HKDC1: variants seen among roughly 807,000 people sequenced by gnomAD.
HKDC1 encodes hexokinase HKDC1.
Under a neutral mutation model 96.6 loss-of-function variants are expected in HKDC1, and 66 were observed. The observed-to-expected ratio is 0.68, with a 90% CI of 0.56 to 0.84. HKDC1 has a LOEUF of 0.84. Among genes scored for constraint, HKDC1 ranks in the 40% least tolerant of loss-of-function variants. The probability of loss-of-function intolerance (pLI) is 0.00; values close to 1 mark genes in which losing one functional copy is unlikely to be tolerated. For synonymous variants in HKDC1, 466 were observed against 473.1 expected, an observed-to-expected ratio of 0.98 and a Z score of 0.20; for missense variants, 1,211 against 1,208.1, an observed-to-expected ratio of 1.00 and a Z score of -0.04.
In HKDC1 at chr10:69,227,242, T is replaced by C; in HGVS notation, c.99T>C (p.Asp33=). The part of the protein sequence containing the change: ...DRFLYHMRLS[D]DTLLDIMRRF... ...TCCTGTATCACATGCGGCTCTCCGA[T>C]GACACCCTTTTGGACATCATGAGGC... is the stretch of plus-strand genomic sequence containing the variant. Residue 33 remains aspartate, a synonymous_variant, in exon 2 of 18, where the codon GAT becomes GAC. Transcript: ENST00000354624. 1.2e-6 allele frequency: 2 copies of C among 1,614,194 alleles called. No homozygotes were observed. Among genetic ancestry groups the C allele is most frequent in the East Asian group, 2.2e-5 (1 of 44,880 alleles).
At chr10:69,238,998 T>TCA in intron 4 of HKDC1, 44 bp from the exon 5 acceptor site, 1 of 1,437,184 alleles carries the variant, frequency 7.0e-7, no homozygotes. Context: ...GTTGCACATC[T>TCA]CAGCACGTCT....
At chr10:69,238,231 A>G (rs1843393110) in intron 4 of HKDC1, among the ~76,000 whole-genome samples, 1 of 152,214 alleles carries the variant, frequency 6.6e-6, no homozygotes, top group Non-Finnish European at 1.5e-5. Context: ...GGTACGGGCC[A>G]CTCTGCCTGG....
chr10:69,231,053 G>A (rs958345207), intron 2 of HKDC1, among the ~76,000 whole-genome samples: 1 of 152,138 alleles, frequency 6.6e-6, no homozygotes, highest in Non-Finnish European at 1.5e-5. Flanking sequence ...ACACCATGTG[G>A]CATCCATGAA....
chr10:69,243,790 CA>C (rs1253547240), intron 7 of HKDC1, among the ~76,000 whole-genome samples: 1 of 152,252 alleles, frequency 6.6e-6, no homozygotes, highest in African/African-American at 2.4e-5. Flanking sequence ...AGCCACCATG[CA>C]TGGCCCCATT....
In HKDC1 at chr10:69,267,076, C is replaced by A; in HGVS notation, c.*319C>A. The stretch of plus-strand genomic sequence containing the variant: ...TTCTCTATGGCTTTCAGTCTTGTGG[C>A]TGCGGGACTTGGAAATATATAGAAT... On this transcript the variant is annotated 3_prime_UTR_variant, in exon 18 of 18. Transcript: ENST00000354624. 4.1e-6 allele frequency: 1 copy of A among 241,028 alleles called. No homozygotes were observed. The highest frequency in any genetic ancestry group is 5.1e-5 in the Admixed American group (1 of 19,586). 14.9% of individuals were successfully genotyped at this position (241,028 alleles called of 1,614,324 possible). A position where few individuals can be genotyped will look rare whatever the true frequency, so the allele number is the denominator to read the frequency against.
intron 15 of HKDC1, among the ~76,000 whole-genome samples, chr10:69,259,454 T>C (rs1843773396): frequency 6.6e-6 from 1 of 152,108 alleles, no homozygotes; most frequent in South Asian, 2.1e-4. Context: ...ACTAACCACA[T>C]GAAAAATACT....
chr10:69,220,635 C>CCTG, intron 1 of HKDC1, 137 bp downstream of exon 1: 1 of 559,234 alleles, frequency 1.8e-6, no homozygotes, highest in Non-Finnish European at 3.1e-6. Context: ...CAGTAAAAGA[C>CCTG]TCACTGAGGG....
Position 69,252,973 on chromosome 10 carries a change from CGTGTG to C in HKDC1, c.1836+2322_1836+2326del, listed in dbSNP as rs1320889962. ...AATATAGCAAGACCCCATCTCTAAA[CGTGTG>C]TGTGTGTGTGTGTGTGTGTGTGTGT... is the stretch of plus-strand genomic sequence containing the variant. On this transcript the variant is annotated intron_variant, in intron 12 of 17. Coordinates refer to ENST00000354624, the MANE Select transcript of HKDC1 (RefSeq NM_025130.4). 5.4e-3 allele frequency among the ~76,000 whole-genome samples: 752 copies of C among 140,270 alleles called. 13 individuals carry two copies. Among genetic ancestry groups the C allele is most frequent in the Non-Finnish European group, 7.6e-3 (492 of 64,404 alleles). 92.0% of individuals were successfully genotyped at this position (140,270 alleles called of 152,430 possible). A position where few individuals can be genotyped will look rare whatever the true frequency, so the allele number is the denominator to read the frequency against.
At chr10:69,226,654 TA>T (rs5785900) in intron 1 of HKDC1, among the ~76,000 whole-genome samples, 121 of 147,072 alleles carry the variant, frequency 8.2e-4, no homozygotes, top group African/African-American at 2.5e-3. Context: ...GACTCTGTCT[TA>T]AAAAAAAAAA....
intron 1 of HKDC1, among the ~76,000 whole-genome samples, chr10:69,221,691 A>G (rs1843068449): frequency 6.6e-6 from 1 of 152,184 alleles, no homozygotes; most frequent in Non-Finnish European, 1.5e-5. Context: ...TGGGAGGCTG[A>G]GATGAGCAGA....
chr10:69,249,919 C>G (rs1206149811), intron 10 of HKDC1, among the ~76,000 whole-genome samples: 2 of 152,176 alleles, frequency 1.3e-5, no homozygotes, highest in Non-Finnish European at 2.9e-5. Context: ...GGTTCAGTCT[C>G]CTGATTTTGC....
intron 2 of HKDC1, among the ~76,000 whole-genome samples, chr10:69,230,593 C>A (rs1054247754): frequency 6.6e-5 from 10 of 152,196 alleles, no homozygotes; most frequent in Non-Finnish European, 1.2e-4. Context: ...AAGCAATTTA[C>A]CCCGCTTAGG....
chr10:69,251,792 C>A (rs554231523), intron 12 of HKDC1, among the ~76,000 whole-genome samples: 2 of 149,446 alleles, frequency 1.3e-5, no homozygotes, highest in South Asian at 4.2e-4. Context: ...CAGAGTCTCA[C>A]TCTGTTACTC....
At position 69,261,285 on chromosome 10, in the gene HKDC1, A is replaced by G. The variant is rs1199704681; in HGVS notation, c.2363A>G (p.Gln788Arg). 1.9e-6 allele frequency: 3 copies of G among 1,614,010 alleles called. No homozygotes were observed. The highest frequency in any genetic ancestry group is 2.2e-5 in the East Asian group (1 of 44,878). Residue 788 changes from glutamine to arginine, a missense_variant, in exon 16 of 18, where the codon CAG (glutamine) becomes CGG (arginine). Gln to Arg is a conservative substitution (Grantham distance 43). Coordinates refer to ENST00000354624, the MANE Select transcript of HKDC1 (RefSeq NM_025130.4). ...RGIFETKFLS[Q>R]IESDRLALLQ... ...ATCTTCGAAACCAAGTTCCTGTCCC[A>G]GATCGAAAGGTGACCTGTGATCAAG... is the stretch of plus-strand genomic sequence containing the variant.
intron 7 of HKDC1, among the ~76,000 whole-genome samples, chr10:69,245,574 A>AATG (rs1467500997): frequency 1.4e-5 from 1 of 73,424 alleles, no homozygotes; most frequent in Non-Finnish European, 2.6e-5. Flanking sequence ...TGTCTCCAAT[A>AATG]ATAATAATAA....
chr10:69,227,312 C>A lies in HKDC1; in HGVS notation c.169C>A (p.Pro57Thr). ...GAAGGGCCTGGCAAAGGACACCAAC[C>A]CCACGGCTGCAGTGAAGATGTTGCC... ...MEKGLAKDTN[P>T]TAAVKMLPTF... Residue 57 changes from proline to threonine, a missense_variant, in exon 2 of 18, where the codon CCC becomes ACC. Coordinates refer to ENST00000354624, the MANE Select transcript of HKDC1 (RefSeq NM_025130.4). 2 of 1,614,170 alleles carry A rather than the reference C, an allele frequency of 1.2e-6. No individual in the cohort carries two copies. Among genetic ancestry groups the A allele is most frequent in the Non-Finnish European group, 1.7e-6 (2 of 1,180,018 alleles).
chr10:69,239,175 C>T (rs562705286), intron 5 of HKDC1, 38 bp downstream of exon 5: 32 of 1,522,466 alleles, frequency 2.1e-5, no homozygotes, highest in Non-Finnish European at 2.8e-5. Context: ...CTCTCCCAGC[C>T]CTAGCTCCTT....
Position 69,239,150 on chromosome 10 carries a change from C to A in HKDC1, c.591+13C>A. 6.2e-7 allele frequency: 1 copy of A among 1,606,278 alleles called. No individual in the cohort carries two copies. The highest frequency in any genetic ancestry group is 1.7e-4 in the Middle Eastern group (1 of 6,036). On this transcript the variant is annotated intron_variant, in intron 5 of 17. Coordinates refer to ENST00000354624, the MANE Select transcript of HKDC1 (RefSeq NM_025130.4). ...GAGAAGACACAAGGTGAGGAATTCA[C>A]CTCGGTGTGGGAGGCTCTCCCAGCC...
At chr10:69,247,095 C>T (rs1021964) in intron 8 of HKDC1, among the ~76,000 whole-genome samples, 140,568 of 152,298 alleles carry the variant, frequency 0.92, 64,889 homozygotes, top group East Asian at 0.99. Context: ...ATCTGTACGA[C>T]AGGGTAATGA....
Sources: gnomAD v4.1 joint callset for allele counts (sites outside exome capture counted in the v4.1 genomes callset) on GRCh38, gnomAD v4.1.1 for gene constraint, MANE v1.5 for transcripts, NCBI Gene and HGNC (gene_info 2026-07-23, HGNC 2026-07-21) for gene names.